PRKN: variants seen among roughly 807,000 people sequenced by gnomAD.
The protein encoded by PRKN is parkin RBR E3 ubiquitin protein ligase.
In PRKN, 56 loss-of-function variants were observed where a neutral mutation model predicts 59.5. The ratio of observed to expected loss-of-function variants is 0.94; its 90% CI spans 0.76 to 1.18. The LOEUF is 1.18. Ranked by LOEUF, PRKN falls within the 50% of genes most tolerant of loss-of-function variation. The pLI, the probability that PRKN is intolerant of heterozygous loss-of-function variation, is 0.00. For synonymous variants in PRKN, 250 were observed against 222.1 expected, an observed-to-expected ratio of 1.13 and a Z score of -1.12; for missense variants, 657 against 596.4, an observed-to-expected ratio of 1.10 and a Z score of -1.06.
At chr6:162,048,066 T>C (rs1323852771) in intron 5 of PRKN, among the ~76,000 whole-genome samples, 1 of 152,186 alleles carries the variant, frequency 6.6e-6, no homozygotes. Context: ...GTTACGCTAC[T>C]TGTTCTGATA....
chr6:161,960,518 T>C (rs1780342262), intron 6 of PRKN, among the ~76,000 whole-genome samples: 1 of 152,228 alleles, frequency 6.6e-6, no homozygotes, highest in African/African-American at 2.4e-5. Context: ...GTCACACATG[T>C]CTATAAATAA....
intron 1 of PRKN, among the ~76,000 whole-genome samples, chr6:162,555,670 T>C (rs1779532688): frequency 6.6e-6 from 1 of 152,092 alleles, no homozygotes; most frequent in South Asian, 2.1e-4. Context: ...ATAAATATTA[T>C]TCCATTGACA....
At chr6:162,614,204 A>G (rs1283415585) in intron 1 of PRKN, among the ~76,000 whole-genome samples, 2 of 152,140 alleles carry the variant, frequency 1.3e-5, no homozygotes, top group African/African-American at 4.8e-5. Context: ...GAACTTTTTA[A>G]TTAATTAAAT....
In PRKN at chr6:162,665,188, T is replaced by A. The variant is rs979273196; in HGVS notation, c.7+62474A>T. On this transcript the variant is annotated intron_variant, in intron 1 of 11. Coordinates refer to ENST00000366898, the MANE Select transcript of PRKN (RefSeq NM_004562.3). ...GTATTGGAAGTTCTGGCCAGGGCAA[T>A]CAGGCAAGAGAAAGAAATAAAGGGT... Among the ~76,000 whole-genome samples the A allele has an allele frequency of 6.6e-5, 10 of 152,104 alleles. No homozygotes were observed. In the East Asian group the frequency reaches 1.9e-3, roughly 29 times the overall value.
intron 6 of PRKN, among the ~76,000 whole-genome samples, chr6:161,890,530 G>A (rs959489756): frequency 1.3e-5 from 2 of 152,170 alleles, no homozygotes; most frequent in African/African-American, 2.4e-5. Context: ...GGCTGAAGAC[G>A]AAGAGGAGCC....
At chr6:162,542,839 C>T (rs543334436) in intron 1 of PRKN, among the ~76,000 whole-genome samples, 2 of 152,306 alleles carry the variant, frequency 1.3e-5, no homozygotes, top group Admixed American at 6.5e-5. Context: ...AAACCCCCAA[C>T]AGAGGGTAGA....
At chr6:161,659,717 C>G (rs1050403936) in intron 7 of PRKN, among the ~76,000 whole-genome samples, 3 of 152,006 alleles carry the variant, frequency 2.0e-5, no homozygotes, top group Non-Finnish European at 2.9e-5. Context: ...TCAGACAGGC[C>G]TGAGGTCAGA....
chr6:162,184,272 T>C (rs1783926996), intron 4 of PRKN, among the ~76,000 whole-genome samples: 1 of 152,184 alleles, frequency 6.6e-6, no homozygotes, highest in Non-Finnish European at 1.5e-5. Context: ...GGGCAGAGTC[T>C]AGTGAAGTAA....
chr6:161,962,336 C>T (rs929008996), intron 6 of PRKN, among the ~76,000 whole-genome samples: 2 of 152,054 alleles, frequency 1.3e-5, no homozygotes, highest in Non-Finnish European at 2.9e-5. Flanking sequence ...CTTCCCCTCA[C>T]CTAGTTTATA....
intron 4 of PRKN, among the ~76,000 whole-genome samples, chr6:162,104,749 AG>A (rs1286667839): frequency 2.0e-5 from 3 of 152,204 alleles, no homozygotes; most frequent in Non-Finnish European, 4.4e-5. Flanking sequence ...AAAAAGATAA[AG>A]TCAAGAAATG....
intron 9 of PRKN, among the ~76,000 whole-genome samples, chr6:161,523,923 A>C (rs578187462): frequency 6.6e-6 from 1 of 152,326 alleles, no homozygotes; most frequent in African/African-American, 2.4e-5. Flanking sequence ...AGAGCCTCTC[A>C]GCAAGAGAGA....
intron 2 of PRKN, among the ~76,000 whole-genome samples, chr6:162,387,147 G>A (rs957910989): frequency 5.4e-5 from 8 of 149,030 alleles, no homozygotes; most frequent in African/African-American, 2.0e-4. Flanking sequence ...AAGCAATGAT[G>A]TGAATAAAAT....
chr6:161,716,217 T>A, intron 7 of PRKN: 1 of 620,628 alleles, frequency 1.6e-6, no homozygotes. Context: ...ATTATTGCTG[T>A]TGGAGTAATA....
Position 161,385,505 on chromosome 6 carries a change from G to A in PRKN, c.1167+1289C>T, listed in dbSNP as rs937516828. On this transcript the variant is annotated intron_variant, in intron 10 of 11. Coordinates refer to ENST00000366898, the MANE Select transcript of PRKN (RefSeq NM_004562.3). This position sits in a 1 kb window ranked among gnomAD's most constrained non-coding sequence, Gnocchi z 4.9. ...TGACTGAAGAATGAATGGGATTAGA[G>A]GGAGGGTCAGGCGCCTGGATGGCTT... 2.0e-5 allele frequency among the ~76,000 whole-genome samples: 3 copies of A among 152,192 alleles called. No homozygotes were observed. Among genetic ancestry groups the A allele is most frequent in the South Asian group, 2.1e-4 (1 of 4,828 alleles).
chr6:161,884,985 A>G (rs1795078610), intron 6 of PRKN, among the ~76,000 whole-genome samples: 1 of 152,028 alleles, frequency 6.6e-6, no homozygotes, highest in Non-Finnish European at 1.5e-5. Context: ...ACAAAAAAAA[A>G]AAAAATGCTA....
At chr6:162,613,271 C>A (rs1030097645) in intron 1 of PRKN, among the ~76,000 whole-genome samples, 6 of 152,146 alleles carry the variant, frequency 3.9e-5, no homozygotes, top group African/African-American at 9.7e-5. Flanking sequence ...TGAATAACAG[C>A]AGCTTTAACC....
intron 7 of PRKN, among the ~76,000 whole-genome samples, chr6:161,716,530 C>A (rs78895012): frequency 6.6e-6 from 1 of 152,058 alleles, no homozygotes; most frequent in Admixed American, 6.6e-5. Flanking sequence ...TAAACCTAAA[C>A]GCTATGTCTA....
chr6:162,152,429 C>T (rs548320172), intron 4 of PRKN, among the ~76,000 whole-genome samples: 1 of 152,226 alleles, frequency 6.6e-6, no homozygotes, highest in Non-Finnish European at 1.5e-5. Context: ...TTCCATCTAA[C>T]TGGCCCGCTA....
chr6:162,233,417 C>A (rs549791067), intron 3 of PRKN, among the ~76,000 whole-genome samples: 3 of 152,020 alleles, frequency 2.0e-5, no homozygotes, highest in Non-Finnish European at 4.4e-5. Flanking sequence ...CAAATATGCA[C>A]ATACAAGATG....
Sources: gnomAD v4.1 joint callset for allele counts (sites outside exome capture counted in the v4.1 genomes callset) on GRCh38, gnomAD v4.1.1 for gene constraint, Gnocchi (gnomAD v3.1) non-coding constraint, MANE v1.5 for transcripts, NCBI Gene and HGNC (gene_info 2026-07-23, HGNC 2026-07-21) for gene names.